NDUFA13: variants seen among roughly 807,000 people sequenced by gnomAD.
NDUFA13 encodes NADH:ubiquinone oxidoreductase subunit A13, also known as NADH dehydrogenase [ubiquinone] 1 alpha subcomplex subunit 13.
In NDUFA13, 16 loss-of-function variants were observed where a neutral mutation model predicts 17.0. That is an observed-to-expected ratio of 0.94 (90% confidence interval 0.64 to 1.43). NDUFA13 has a LOEUF of 1.43. Among genes scored for constraint, NDUFA13 ranks in the 40% most tolerant of loss-of-function variants. The pLI is 0.00. For synonymous variants in NDUFA13, 87 were observed against 78.4 expected, an observed-to-expected ratio of 1.11 and a Z score of -0.58; for missense variants, 228 against 206.7, an observed-to-expected ratio of 1.10 and a Z score of -0.63.
chr19:19,527,378 G>A (rs545041414), intron 3 of NDUFA13, 26 bp downstream of exon 3: 27 of 1,613,312 alleles, frequency 1.7e-5, no homozygotes, highest in Non-Finnish European at 2.3e-5. Flanking sequence ...CCAAGGTTGG[G>A]AGGTCACTGG....
At chr19:19,526,310 CG>C in intron 2 of NDUFA13, 50 bp downstream of exon 2, 1 of 1,596,678 alleles carries the variant, frequency 6.3e-7, no homozygotes, top group South Asian at 1.1e-5. Context: ...GGCGAGTTGT[CG>C]GGGTCCTGTA....
rs186994774 is a variant in NDUFA13, at chr19:19,519,713, G to A, written c.94+3381G>A. ...CACTTAAGCCAGGATGTGCCAGGAGGACCTCTGAGAAGAAGCCTGCTCTGC... is the reference window on the plus strand; with the variant it reads ...CACTTAAGCCAGGATGTGCCAGGAGAACCTCTGAGAAGAAGCCTGCTCTGC... On this transcript the variant is annotated intron_variant, in intron 1 of 4. Coordinates refer to ENST00000507754, the MANE Select transcript of NDUFA13 (RefSeq NM_015965.7). Among the ~76,000 whole-genome samples the A allele has an allele frequency of 5.9e-5, 9 of 152,276 alleles. 1 individual carries two copies. The highest frequency in any genetic ancestry group is 2.2e-4 in the African/African-American group (9 of 41,544).
At chr19:19,526,362 C>T in intron 2 of NDUFA13, 102 bp downstream of exon 2, 1 of 1,310,538 alleles carries the variant, frequency 7.6e-7, no homozygotes, top group Non-Finnish European at 1.1e-6. Context: ...GTGAACGGGC[C>T]CCTTGGACTT....
rs764599787 is a variant in NDUFA13, at chr19:19,527,755, C to T, written c.300C>T (p.Asp100=). The T allele has an allele frequency of 6.5e-5, 101 of 1,552,738 alleles. No individual in the cohort carries two copies. The highest frequency in any genetic ancestry group is 1.1e-4 in the African/African-American group (8 of 73,206). The change falls in exon 4 of 5, where the codon GAC becomes GAT. Residue 100 remains aspartate (D), a synonymous_variant. Transcript: ENST00000507754. The part of the protein sequence containing the change: ...NLEEEAIIMK[D]VPDWKVGESV... ...AGGAGGAGGCCATCATCATGAAGGA[C>T]GTGCCCGACTGGAAGGTGGGTCCCG...
At chr19:19,516,477 G>A (rs1316807476) in intron 1 of NDUFA13, 145 bp downstream of exon 1, 6 of 859,128 alleles carry the variant, frequency 7.0e-6, no homozygotes, top group Non-Finnish European at 1.9e-6. Context: ...CTGTAATAAC[G>A]CTAAGTGCTG....
At chr19:19,518,227 T>TTTTC in intron 1 of NDUFA13, among the ~76,000 whole-genome samples, 1 of 152,236 alleles carries the variant, frequency 6.6e-6, no homozygotes, top group East Asian at 1.9e-4. Context: ...TTCTTTTTTC[T>TTTTC]TTTCTTTCTT....
chr19:19,526,496 T>C (rs542509559), intron 2 of NDUFA13: 4 of 574,820 alleles, frequency 7.0e-6, no homozygotes, highest in African/African-American at 1.9e-5. Context: ...GGTGGGAGCA[T>C]TGCTTGAGCC....
Position 19,527,689 on chromosome 19 carries a change from C to G in NDUFA13, c.246-12C>G, listed in dbSNP as rs553491220. The G allele has an allele frequency of 4.5e-6, 7 of 1,551,176 alleles. No homozygotes were observed. In the Admixed American group the frequency reaches 7.8e-5, roughly 17 times the overall value. ...TGAGGCCCCACCCCCACCATCGGCCCCATCCCCACAGGACCTTGCAGATGC... is the reference window on the plus strand; with the variant it reads ...TGAGGCCCCACCCCCACCATCGGCCGCATCCCCACAGGACCTTGCAGATGC... On this transcript the variant is annotated splice_polypyrimidine_tract_variant and intron_variant, in intron 3 of 4. Coordinates refer to ENST00000507754, the MANE Select transcript of NDUFA13 (RefSeq NM_015965.7).
intron 3 of NDUFA13, 43 bp from the exon 4 acceptor site, chr19:19,527,658 G>A: frequency 6.6e-7 from 1 of 1,506,142 alleles, no homozygotes. Flanking sequence ...GGGCCCCTCA[G>A]GGCACTGAGG....
At position 19,524,766 on chromosome 19, in the gene NDUFA13, A is replaced by G. The variant is rs148733820; in HGVS notation, c.95-1416A>G. Among the ~76,000 whole-genome samples, 806 of 152,190 alleles carry G rather than the reference A, an allele frequency of 5.3e-3. 6 individuals carry two copies. The highest frequency in any genetic ancestry group is 0.041 in the South Asian group (196 of 4,808). On this transcript the variant is annotated intron_variant, in intron 1 of 4. Coordinates refer to ENST00000507754, the MANE Select transcript of NDUFA13 (RefSeq NM_015965.7). ...GGTTGCAGTGAGCCAAGATCTTGCC[A>G]CTGCACCCCAGCCAGGGCAACAGAG...
intron 1 of NDUFA13, among the ~76,000 whole-genome samples, chr19:19,523,047 A>G (rs2061085244): frequency 6.6e-6 from 1 of 152,248 alleles, no homozygotes; most frequent in Non-Finnish European, 1.5e-5. Context: ...AAGTTTTGAA[A>G]TACTGAAGTG....
intron 1 of NDUFA13, among the ~76,000 whole-genome samples, chr19:19,519,121 C>T (rs551488238): frequency 5.1e-4 from 76 of 148,394 alleles, no homozygotes; most frequent in Non-Finnish European, 9.6e-4. Context: ...GAACTCCTGA[C>T]CTCAGGTGGT....
chr19:19,527,888 T>C (rs762210550), intron 4 of NDUFA13, 118 bp downstream of exon 4: 8 of 1,481,346 alleles, frequency 5.4e-6, no homozygotes, highest in Admixed American at 1.9e-5. Flanking sequence ...GGGTGCCAGG[T>C]CCCACAAGGG....
chr19:19,521,595 TGTTTGTTTGTTC>T (rs1239292170), intron 1 of NDUFA13, among the ~76,000 whole-genome samples: 1 of 152,092 alleles, frequency 6.6e-6, no homozygotes, highest in East Asian at 2.0e-4. Flanking sequence ...TAGGGTTTTT[TGTTTGTTTGTTC>T]GTTTGTTTGT....
chr19:19,522,706 C>T (rs1249318747), intron 1 of NDUFA13, among the ~76,000 whole-genome samples: 1 of 152,080 alleles, frequency 6.6e-6, no homozygotes, highest in Non-Finnish European at 1.5e-5. Flanking sequence ...TCTCGATCTC[C>T]TGACCTCGTG....
Position 19,527,606 on chromosome 19 carries a change from C to CG in NDUFA13, c.246-93dup, listed in dbSNP as rs1436773601. Reference sequence around the variant, plus strand: ...TGGCTGGGGGAAAAGGAGACAGGGTCGGAGGGAGGCTTGAAGGGGTGCTAC... The same window carrying CG: ...TGGCTGGGGGAAAAGGAGACAGGGTCGGGAGGGAGGCTTGAAGGGGTGCTAC... On this transcript the variant is annotated intron_variant, in intron 3 of 4. Transcript: ENST00000507754. 1.3e-5 allele frequency: 14 copies of CG among 1,070,606 alleles called. No individual in the cohort carries two copies. The East Asian group carries it at 3.6e-4, about 28-fold the overall frequency. The allele number at this position is 1,070,606 out of a possible 1,614,324, so 66.3% of individuals were successfully genotyped here.
At chr19:19,521,665 C>T (rs549535237) in intron 1 of NDUFA13, among the ~76,000 whole-genome samples, 34 of 37,946 alleles carry the variant, frequency 9.0e-4, no homozygotes, top group South Asian at 3.8e-3. Context: ...TGTAGTGGCA[C>T]GATCTCTGCT....
intron 1 of NDUFA13, among the ~76,000 whole-genome samples, chr19:19,524,267 T>C (rs1181488292): frequency 3.3e-5 from 5 of 152,270 alleles, no homozygotes; most frequent in Admixed American, 3.3e-4. Flanking sequence ...CTGTGCAGGC[T>C]GCATGCAAAT....
chr19:19,516,813 G>GTT (rs1335542912), intron 1 of NDUFA13, among the ~76,000 whole-genome samples: 1 of 152,042 alleles, frequency 6.6e-6, no homozygotes, highest in Non-Finnish European at 1.5e-5. Flanking sequence ...TTGAGACGGA[G>GTT]TTTTGCTCTT....
Sources: gnomAD v4.1 joint callset for allele counts (sites outside exome capture counted in the v4.1 genomes callset) on GRCh38, gnomAD v4.1.1 for gene constraint, MANE v1.5 for transcripts, NCBI Gene and HGNC (gene_info 2026-07-23, HGNC 2026-07-21) for gene names.